ZNF595: variants seen among roughly 807,000 people sequenced by gnomAD.
ZNF595 encodes zinc finger protein 595.
Under a neutral mutation model 19.4 loss-of-function variants are expected in ZNF595, and 9 were observed. That is an observed-to-expected ratio of 0.46 (90% CI 0.28 to 0.81). The LOEUF is 0.81. Ranked by LOEUF, ZNF595 falls within the 30% of genes least tolerant of loss-of-function variation. The pLI, the probability that ZNF595 is intolerant of heterozygous loss-of-function variation, is 0.11. For synonymous variants in ZNF595, 255 were observed against 255.9 expected (o/e 1.00, Z 0.03); for missense variants, 729 against 736.0 (o/e 0.99, Z 0.11).
At position 87,474 on chromosome 4, in the gene ZNF595, A is replaced by C. The variant is rs782818285; in HGVS notation, c.*23A>C. 6.5e-7 allele frequency: 1 copy of C among 1,528,994 alleles called. No individual in the cohort carries two copies. The highest frequency in any genetic ancestry group is 8.8e-7 in the Non-Finnish European group (1 of 1,136,786). 94.7% of individuals were successfully genotyped at this position (1,528,994 alleles called of 1,614,324 possible). A position where few individuals can be genotyped will look rare whatever the true frequency, so the allele number is the denominator to read the frequency against. On this transcript the variant is annotated 3_prime_UTR_variant, in exon 4 of 4. Transcript: ENST00000610261. Reference sequence around the variant, plus strand: ...TGAATGACATTTCTAGTAATCTCTAATTCCAGTGTCTTTACACAGCAAATA... The same window carrying C: ...TGAATGACATTTCTAGTAATCTCTACTTCCAGTGTCTTTACACAGCAAATA...
chr4:77,125 C>T (rs556179928), intron 3 of ZNF595, among the ~76,000 whole-genome samples: 1 of 151,252 alleles, frequency 6.6e-6, no homozygotes, highest in East Asian at 1.9e-4. Context: ...GCTTTATTCA[C>T]TCTTTCATTC....
At chr4:82,742 T>A (rs1713969725) in intron 3 of ZNF595, among the ~76,000 whole-genome samples, 1 of 152,132 alleles carries the variant, frequency 6.6e-6, no homozygotes, top group Non-Finnish European at 1.5e-5. Flanking sequence ...AAAAGTAATC[T>A]GTAAAGTTCC....
chr4:54,829 G>T (rs1267917571), intron 1 of ZNF595, among the ~76,000 whole-genome samples: 1 of 151,866 alleles, frequency 6.6e-6, no homozygotes, highest in Admixed American at 6.6e-5. Flanking sequence ...CCCTGCCTCG[G>T]CCTGTACCTG....
intron 2 of ZNF595, among the ~76,000 whole-genome samples, chr4:59,806 A>T (rs1581319430): frequency 6.6e-6 from 1 of 152,310 alleles, no homozygotes; most frequent in Non-Finnish European, 1.5e-5. Context: ...AAATTCAGTG[A>T]TGTAAAATAT....
chr4:69,348 T>C (rs1277063032), intron 3 of ZNF595, among the ~76,000 whole-genome samples: 1 of 152,238 alleles, frequency 6.6e-6, no homozygotes, highest in Non-Finnish European at 1.5e-5. Flanking sequence ...TGGACTAATT[T>C]ACATTCACAC....
chr4:54,778 C>T (rs1409539866), intron 1 of ZNF595, among the ~76,000 whole-genome samples: 2 of 152,240 alleles, frequency 1.3e-5, no homozygotes, highest in Non-Finnish European at 2.9e-5. Flanking sequence ...CCACCTGATC[C>T]TAATCCCTTC....
chr4:68,657 A>G (rs1341018437), intron 3 of ZNF595, among the ~76,000 whole-genome samples: 5 of 152,288 alleles, frequency 3.3e-5, no homozygotes, highest in Admixed American at 2.6e-4. Context: ...ATATGTATCT[A>G]TGGATTATAT....
Position 86,157 on chromosome 4 carries a change from A to T in ZNF595, c.653A>T (p.His218Leu), listed in dbSNP as rs1368989295. 1.2e-6 allele frequency: 2 copies of T among 1,613,824 alleles called. No homozygotes were observed. The highest frequency in any genetic ancestry group is 1.7e-6 in the Non-Finnish European group (2 of 1,179,858). ...AFNRSTSLSK[H>L]KRIHTGEKPY... ...AATAGGTCCACATCACTTAGTAAAC[A>T]TAAGAGAATTCATACTGGAGAGAAA... The change falls in exon 4 of 4, where the codon CAT (histidine) becomes CTT (leucine). Residue 218 changes from histidine to leucine, a missense_variant. Around this residue, in one of 2 missense-constraint regions of ZNF595, gnomAD observed 729 missense variants for 675.3 expected, o/e 1.08. Coordinates refer to ENST00000610261, the MANE Select transcript of ZNF595 (RefSeq NM_182524.4).
At chr4:64,679 C>T (rs1189061663) in intron 3 of ZNF595, among the ~76,000 whole-genome samples, 2 of 152,386 alleles carry the variant, frequency 1.3e-5, no homozygotes, top group East Asian at 3.9e-4. Context: ...TGAGAACTTA[C>T]CATACATCTG....
Position 76,319 on chromosome 4 carries a change from T to C in ZNF595, c.227-9412T>C, listed in dbSNP as rs533859842. Among the ~76,000 whole-genome samples the C allele has an allele frequency of 3.9e-5, 6 of 152,326 alleles. No homozygotes were observed. In the East Asian group the frequency reaches 7.7e-4, roughly 20 times the overall value. ...CTGGCCTCAAGCAAAAGTTAACTTA[T>C]GTGTGTAGAAAAATCAAGCAGTTGT... On this transcript the variant is annotated intron_variant, in intron 3 of 3. Transcript: ENST00000610261.
chr4:82,172 T>C (rs1011299247), intron 3 of ZNF595, among the ~76,000 whole-genome samples: 1 of 152,122 alleles, frequency 6.6e-6, no homozygotes, highest in Non-Finnish European at 1.5e-5. Flanking sequence ...GGGTGCTTCA[T>C]TGTCCCTTGA....
chr4:74,624 G>A (rs1250714269), intron 3 of ZNF595, among the ~76,000 whole-genome samples: 9 of 152,172 alleles, frequency 5.9e-5, no homozygotes, highest in African/African-American at 9.7e-5. Flanking sequence ...GGCAGCAATC[G>A]ATATATGTAA....
intron 3 of ZNF595, among the ~76,000 whole-genome samples, chr4:73,703 G>T (rs897271628): frequency 2.6e-5 from 4 of 151,900 alleles, no homozygotes; most frequent in Non-Finnish European, 5.9e-5. Context: ...TTACTGAATT[G>T]TATCCAATAT....
At chr4:76,258 C>G (rs915370164) in intron 3 of ZNF595, among the ~76,000 whole-genome samples, 3 of 152,042 alleles carry the variant, frequency 2.0e-5, no homozygotes, top group African/African-American at 4.8e-5. Flanking sequence ...TTTAGAGACA[C>G]GGTCCTGCTA....
chr4:76,002 A>G (rs1713644890), intron 3 of ZNF595, among the ~76,000 whole-genome samples: 1 of 151,972 alleles, frequency 6.6e-6, no homozygotes, highest in African/African-American at 2.4e-5. Flanking sequence ...GCAATTCTCC[A>G]GTCGCAGCCT....
chr4:80,478 C>G (rs1713859056), intron 3 of ZNF595, among the ~76,000 whole-genome samples: 1 of 152,072 alleles, frequency 6.6e-6, no homozygotes, highest in Non-Finnish European at 1.5e-5. Flanking sequence ...TCATGCGCAT[C>G]CGTGTGAAAA....
chr4:73,505 C>T (rs1262478001), intron 3 of ZNF595, among the ~76,000 whole-genome samples: 12 of 152,074 alleles, frequency 7.9e-5, no homozygotes, highest in African/African-American at 2.2e-4. Context: ...AATTTAGAAT[C>T]GGTGAATTTG....
intron 3 of ZNF595, among the ~76,000 whole-genome samples, chr4:81,986 A>G (rs1222536001): frequency 2.6e-5 from 4 of 152,160 alleles, no homozygotes; most frequent in South Asian, 2.1e-4. Flanking sequence ...GAGTGTAGAA[A>G]TTACTCTTCA....
chr4:81,921 G>A (rs1560092073), intron 3 of ZNF595, among the ~76,000 whole-genome samples: 1 of 152,100 alleles, frequency 6.6e-6, no homozygotes, highest in Admixed American at 6.5e-5. Flanking sequence ...TATTTGGTGA[G>A]AAATTTGCAT....
Sources: gnomAD v4.1 joint callset for allele counts (sites outside exome capture counted in the v4.1 genomes callset) on GRCh38, gnomAD v4.1.1 for gene constraint, gnomAD v4.1.1 regional missense constraint, MANE v1.5 for transcripts, NCBI Gene and HGNC (gene_info 2026-07-23, HGNC 2026-07-21) for gene names.